The following AGPAT4 variants were observed in gnomAD, a reference collection of about 807,000 sequenced individuals.
The protein encoded by AGPAT4 is 1-acylglycerol-3-phosphate O-acyltransferase 4.
In AGPAT4, 15 loss-of-function variants were observed where a neutral mutation model predicts 48.0. That is an observed-to-expected ratio of 0.31 (90% confidence interval 0.21 to 0.48). The LOEUF is 0.48. Among genes scored for constraint, AGPAT4 ranks in the 20% least tolerant of loss-of-function variants. The pLI is 0.99. For synonymous variants in AGPAT4, 178 were observed against 198.7 expected (o/e 0.90, Z 0.88); for missense variants, 314 against 482.5 (o/e 0.65, Z 3.27).
chr6:161,178,813 T>A lies in AGPAT4; in HGVS notation c.179-12396A>T, dbSNP rs1359149193. Among the ~76,000 whole-genome samples, 2 of 152,230 alleles carry A rather than the reference T, an allele frequency of 1.3e-5. No homozygotes were observed. Among genetic ancestry groups the A allele is most frequent in the East Asian group, 3.8e-4 (2 of 5,198 alleles). On this transcript the variant is annotated intron_variant, in intron 2 of 8. Transcript: ENST00000320285. This position sits in a 1 kb window ranked among gnomAD's most constrained non-coding sequence, Gnocchi z 5.1. ...ATTTCAGTTTGCCCAATTTTGCAGA[T>A]GTTGTTTTGACTGTGCTGCTCTCTG... is the stretch of plus-strand genomic sequence containing the variant.
chr6:161,264,261 G>C lies in AGPAT4; in HGVS notation c.-90+9677C>G, dbSNP rs1310963603. Among the ~76,000 whole-genome samples, 1 of 152,074 alleles carries C rather than the reference G, an allele frequency of 6.6e-6. No homozygotes were observed. The highest frequency in any genetic ancestry group is 1.5e-5 in the Non-Finnish European group (1 of 68,024). On this transcript the variant is annotated intron_variant, in intron 1 of 8. Transcript: ENST00000320285. This position sits in a 1 kb window ranked among gnomAD's most constrained non-coding sequence, Gnocchi z 6.8. Reference sequence around the variant, plus strand: ...AGTTACCAAACCCTCCTGGCTTTCAGACCTGTGCCTCTTCTGGGCCTCCCC... The same window carrying C: ...AGTTACCAAACCCTCCTGGCTTTCACACCTGTGCCTCTTCTGGGCCTCCCC...
In AGPAT4 at chr6:161,206,803, T is replaced by TA. The variant is rs773488235; in HGVS notation, c.178+25232dup. Among the ~76,000 whole-genome samples the TA allele has an allele frequency of 5.4e-5, 8 of 148,708 alleles. No homozygotes were observed. The highest frequency in any genetic ancestry group is 2.0e-4 in the East Asian group (1 of 5,054). On this transcript the variant is annotated intron_variant, in intron 2 of 8. Transcript: ENST00000320285. This position sits in a 1 kb window ranked among gnomAD's most constrained non-coding sequence, Gnocchi z 4.8. ...CAATTATAAACAAACTTGAAACAAA[T>TA]AAAAAAAAAGTCTTCACAAACAAAA...
Position 161,161,826 on chromosome 6 carries a change from G to A in AGPAT4, c.348+4422C>T, listed in dbSNP as rs912590042. 5 of 279,074 alleles carry A rather than the reference G, an allele frequency of 1.8e-5. No homozygotes were observed. The highest frequency in any genetic ancestry group is 8.7e-5 in the African/African-American group (4 of 45,962). 17.3% of individuals were successfully genotyped at this position (279,074 alleles called of 1,614,324 possible). Reference sequence around the variant, plus strand: ...ATCAATTGCTATCGTTGTCATGATCGAAAATCCTTCGTTTAAAGAGGCAGC... The same window carrying A: ...ATCAATTGCTATCGTTGTCATGATCAAAAATCCTTCGTTTAAAGAGGCAGC... On this transcript the variant is annotated intron_variant, in intron 3 of 8. Coordinates refer to ENST00000320285, the MANE Select transcript of AGPAT4 (RefSeq NM_020133.3). The surrounding 1 kb of genome is among the most constrained non-coding windows in gnomAD (Gnocchi z 4.6).
At chr6:161,153,314 G>T in intron 5 of AGPAT4, 32 bp downstream of exon 5, 1 of 1,584,380 alleles carries the variant, frequency 6.3e-7, no homozygotes, top group East Asian at 2.3e-5. Flanking sequence ...TCGCTGCCAC[G>T]GGGAGGCCCA....
rs765353226 is a variant in AGPAT4, at chr6:161,217,323, T to C, written c.178+14713A>G. On this transcript the variant is annotated intron_variant, in intron 2 of 8. Coordinates refer to ENST00000320285, the MANE Select transcript of AGPAT4 (RefSeq NM_020133.3). The surrounding 1 kb of genome is among the most constrained non-coding windows in gnomAD (Gnocchi z 4.9). ...TAACAGAAGGTGCTCAATAGATGTCTACCAAGTTGAATGAAAGGGCATCTC... is the reference window on the plus strand; with the variant it reads ...TAACAGAAGGTGCTCAATAGATGTCCACCAAGTTGAATGAAAGGGCATCTC... Among the ~76,000 whole-genome samples, 44 of 152,210 alleles carry C rather than the reference T, an allele frequency of 2.9e-4. No individual in the cohort carries two copies. Among genetic ancestry groups the C allele is most frequent in the Non-Finnish European group, 5.1e-4 (35 of 68,038 alleles).
chr6:161,186,243 CCTGA>C (rs1780765208), intron 2 of AGPAT4, among the ~76,000 whole-genome samples: 1 of 152,152 alleles, frequency 6.6e-6, no homozygotes, highest in Non-Finnish European at 1.5e-5. Flanking sequence ...TGAATCAGAG[CCTGA>C]CTAACATGAT....
intron 1 of AGPAT4, 137 bp downstream of exon 1, chr6:161,273,801 C>CA (rs1783511860): frequency 6.7e-6 from 1 of 150,260 alleles, no homozygotes; most frequent in African/African-American, 2.5e-5. Flanking sequence ...CACTCCCCCC[C>CA]CGCCCCCGGA....
rs1781941806 is a variant in AGPAT4, at chr6:161,225,163, C to T, written c.178+6873G>A. 6.6e-6 allele frequency among the ~76,000 whole-genome samples: 1 copy of T among 152,166 alleles called. No individual in the cohort carries two copies. The highest frequency in any genetic ancestry group is 6.5e-5 in the Admixed American group (1 of 15,268). On this transcript the variant is annotated intron_variant, in intron 2 of 8. Coordinates refer to ENST00000320285, the MANE Select transcript of AGPAT4 (RefSeq NM_020133.3). This position sits in a 1 kb window ranked among gnomAD's most constrained non-coding sequence, Gnocchi z 5.0. ...GACTCCTTCCGATGACCTGCTCCACCCTGACTCATTCCAATTACCTACTCT... is the reference window on the plus strand; with the variant it reads ...GACTCCTTCCGATGACCTGCTCCACTCTGACTCATTCCAATTACCTACTCT...
chr6:161,234,796 A>G lies in AGPAT4; in HGVS notation c.-89-2494T>C, dbSNP rs1211225212. 1.3e-5 allele frequency among the ~76,000 whole-genome samples: 2 copies of G among 152,140 alleles called. No individual in the cohort carries two copies. Among genetic ancestry groups the G allele is most frequent in the Non-Finnish European group, 2.9e-5 (2 of 68,030 alleles). ...CACTAAGAAAAGGAAGCCAGCTGAC[A>G]TCGGAAATGCAGGGGGTTAAATGCT... On this transcript the variant is annotated intron_variant, in intron 1 of 8. Transcript: ENST00000320285. The surrounding 1 kb of genome is among the most constrained non-coding windows in gnomAD (Gnocchi z 4.4).
rs149711248 is a variant in AGPAT4 at position 161,197,039 on chromosome 6, G to A, written c.179-30622C>T. ...CAATGGAGGAGGCAGTAATAGAAGC[G>A]CACAAGAGGTGAGTGCTTTACAGGA... On this transcript the variant is annotated intron_variant, in intron 2 of 8. Transcript: ENST00000320285. The surrounding 1 kb of genome is among the most constrained non-coding windows in gnomAD (Gnocchi z 5.7). Among the ~76,000 whole-genome samples the A allele has an allele frequency of 6.0e-3, 918 of 152,202 alleles. 8 individuals carry two copies. Among genetic ancestry groups the A allele is most frequent in the Non-Finnish European group, 9.6e-3 (652 of 67,988 alleles).
At chr6:161,268,386 G>A (rs1355375069) in intron 1 of AGPAT4, among the ~76,000 whole-genome samples, 1 of 152,134 alleles carries the variant, frequency 6.6e-6, no homozygotes, top group African/African-American at 2.4e-5. Flanking sequence ...GAATGTGCAG[G>A]TTTGTTACAT....
At chr6:161,186,976 C>A (rs1293398585) in intron 2 of AGPAT4, among the ~76,000 whole-genome samples, 1 of 152,204 alleles carries the variant, frequency 6.6e-6, no homozygotes, top group Admixed American at 6.5e-5. Context: ...CTGAATCCCC[C>A]ACGAGGGACA....
At position 161,166,634 on chromosome 6, in the gene AGPAT4, G is replaced by A. The variant is rs1220969858; in HGVS notation, c.179-217C>T. Among the ~76,000 whole-genome samples the A allele has an allele frequency of 6.6e-6, 1 of 152,152 alleles. No homozygotes were observed. On this transcript the variant is annotated intron_variant, in intron 2 of 8. Coordinates refer to ENST00000320285, the MANE Select transcript of AGPAT4 (RefSeq NM_020133.3). This position sits in a 1 kb window ranked among gnomAD's most constrained non-coding sequence, Gnocchi z 6.7. ...AACATTCTCCAGGGAAGAAGAGAAG[G>A]ATACTTGGAGAAGGTAAATGACTTA... is the stretch of plus-strand genomic sequence containing the variant.
Position 161,164,039 on chromosome 6 carries a change from C to T in AGPAT4, c.348+2209G>A, listed in dbSNP as rs1412973324. Reference sequence around the variant, plus strand: ...TCACCGATGAAATCAAGGGGAGGTGCGGTCCCTATGCTGCAGGTGGGATGG... The same window carrying T: ...TCACCGATGAAATCAAGGGGAGGTGTGGTCCCTATGCTGCAGGTGGGATGG... On this transcript the variant is annotated intron_variant, in intron 3 of 8. Transcript: ENST00000320285. The surrounding 1 kb of genome is among the most constrained non-coding windows in gnomAD (Gnocchi z 7.4). Among the ~76,000 whole-genome samples, 2 of 152,184 alleles carry T rather than the reference C, an allele frequency of 1.3e-5. No homozygotes were observed. The highest frequency in any genetic ancestry group is 3.8e-4 in the East Asian group (2 of 5,200).
Position 161,166,215 on chromosome 6 carries a change from T to G in AGPAT4, c.348+33A>C. 6.2e-7 allele frequency: 1 copy of G among 1,608,098 alleles called. No homozygotes were observed. ...GTGGTGGGGCTGAACCAGAGAAATG[T>G]GTGAGGCAGGGGGGAATGCACTTCT... is the stretch of plus-strand genomic sequence containing the variant. On this transcript the variant is annotated intron_variant, in intron 3 of 8. Coordinates refer to ENST00000320285, the MANE Select transcript of AGPAT4 (RefSeq NM_020133.3). This position sits in a 1 kb window ranked among gnomAD's most constrained non-coding sequence, Gnocchi z 6.7.
Position 161,154,064 on chromosome 6 carries a change from C to G in AGPAT4, c.510+85G>C. On this transcript the variant is annotated intron_variant, in intron 4 of 8. Transcript: ENST00000320285. The surrounding 1 kb of genome is among the most constrained non-coding windows in gnomAD (Gnocchi z 7.8). Reference sequence around the variant, plus strand: ...GGAGTCGCACAGGACCACACAGTCACGTGTCCTGTGGAAGTCACATGGGGG... The same window carrying G: ...GGAGTCGCACAGGACCACACAGTCAGGTGTCCTGTGGAAGTCACATGGGGG... 2.6e-6 allele frequency: 4 copies of G among 1,546,522 alleles called. No homozygotes were observed. The highest frequency in any genetic ancestry group is 2.7e-6 in the Non-Finnish European group (3 of 1,124,350).
Position 161,131,123 on chromosome 6 carries a change from TC to T in AGPAT4, c.*5416del. ...GAAATGTCAAAAAATATCTAGTCAT[TC>T]CAATATGTAAAACAAGACTGCCTTG... On this transcript the variant is annotated 3_prime_UTR_variant, in exon 9 of 9. Transcript: ENST00000320285. The T allele has an allele frequency of 3.3e-6, 1 of 302,892 alleles. No homozygotes were observed. Among genetic ancestry groups the T allele is most frequent in the South Asian group, 3.0e-5 (1 of 33,720 alleles). 18.8% of individuals were successfully genotyped at this position (302,892 alleles called of 1,614,324 possible).
chr6:161,162,499 G>A (rs527922675), intron 3 of AGPAT4, among the ~76,000 whole-genome samples: 1 of 152,278 alleles, frequency 6.6e-6, no homozygotes, highest in Non-Finnish European at 1.5e-5. Context: ...GATGGAGGCC[G>A]GGCAGCAAAC....
In AGPAT4 at chr6:161,272,560, T is replaced by C. The variant is rs1319824331; in HGVS notation, c.-90+1378A>G. Among the ~76,000 whole-genome samples the C allele has an allele frequency of 6.6e-6, 1 of 152,204 alleles. No individual in the cohort carries two copies. Among genetic ancestry groups the C allele is most frequent in the Non-Finnish European group, 1.5e-5 (1 of 68,042 alleles). On this transcript the variant is annotated intron_variant, in intron 1 of 8. Transcript: ENST00000320285. The surrounding 1 kb of genome is among the most constrained non-coding windows in gnomAD (Gnocchi z 4.2). Reference sequence around the variant, plus strand: ...TTCTAATTATAATTAACTTTGCTTATTACTAAGTAGATAATAATTTTCTCA... The same window carrying C: ...TTCTAATTATAATTAACTTTGCTTACTACTAAGTAGATAATAATTTTCTCA...
Sources: allele counts gnomAD v4.1 joint callset (sites outside exome capture counted in the v4.1 genomes callset), GRCh38; gene constraint gnomAD v4.1.1; non-coding constraint Gnocchi (gnomAD v3.1); transcripts MANE v1.5; gene names NCBI Gene and HGNC (gene_info 2026-07-23, HGNC 2026-07-21).